Variants in GBE1 observed in about 807,000 individuals in gnomAD.
GBE1 encodes the protein 1,4-alpha-glucan branching enzyme 1.
Under a neutral mutation model 88.8 loss-of-function variants are expected in GBE1, and 70 were observed. That is an observed-to-expected ratio of 0.79 (90% confidence interval 0.65 to 0.96). GBE1 has a LOEUF of 0.96. Ranked by LOEUF, GBE1 falls within the 40% of genes least tolerant of loss-of-function variation. The pLI is 0.00. For synonymous variants in GBE1, 284 were observed against 300.1 expected (o/e 0.95, Z 0.56); for missense variants, 872 against 871.0 (o/e 1.00, Z -0.01).
chr3:81,597,468 T>TAC (rs1703973017), intron 7 of GBE1, among the ~76,000 whole-genome samples: 1 of 138,262 alleles, frequency 7.2e-6, no homozygotes, highest in Admixed American at 7.4e-5. Context: ...CTCAAATATA[T>TAC]ATATATATCT....
At chr3:81,496,918 A>C (rs984251513) in intron 15 of GBE1, among the ~76,000 whole-genome samples, 10 of 152,164 alleles carry the variant, frequency 6.6e-5, no homozygotes, top group Admixed American at 5.9e-4. Flanking sequence ...TGCTGCTGGG[A>C]AGAGAGAGCT....
At chr3:81,596,422 T>G (rs375269887) in intron 7 of GBE1, among the ~76,000 whole-genome samples, 1 of 151,930 alleles carries the variant, frequency 6.6e-6, no homozygotes, top group East Asian at 1.9e-4. Flanking sequence ...TATCTCCAAA[T>G]GCTATCTCTC....
At chr3:81,517,013 A>C (rs963238400) in intron 14 of GBE1, among the ~76,000 whole-genome samples, 1 of 151,614 alleles carries the variant, frequency 6.6e-6, no homozygotes, top group African/African-American at 2.4e-5. Flanking sequence ...AATATAATAT[A>C]AACCTAGGTA....
chr3:81,623,588 C>T (rs1704361797), intron 7 of GBE1, among the ~76,000 whole-genome samples: 1 of 152,112 alleles, frequency 6.6e-6, no homozygotes, highest in African/African-American at 2.4e-5. Flanking sequence ...GTTGGGTATC[C>T]AGTAGGTACT....
chr3:81,583,331 C>G (rs1703759175), intron 10 of GBE1, among the ~76,000 whole-genome samples: 1 of 152,062 alleles, frequency 6.6e-6, no homozygotes, highest in Non-Finnish European at 1.5e-5. Context: ...AAAAATTAAA[C>G]AGGGAATTAC....
chr3:81,679,790 G>T (rs1349978931), intron 2 of GBE1, among the ~76,000 whole-genome samples: 1 of 152,022 alleles, frequency 6.6e-6, no homozygotes, highest in Admixed American at 6.5e-5. Context: ...AATGAAGTTC[G>T]TCAGGAGGCT....
intron 7 of GBE1, among the ~76,000 whole-genome samples, chr3:81,636,167 T>C (rs866933097): frequency 1.3e-5 from 2 of 152,192 alleles, no homozygotes; most frequent in South Asian, 2.1e-4. Flanking sequence ...TGGATTGATA[T>C]AGCAACTTTC....
At chr3:81,731,077 G>T (rs1337864670) in intron 1 of GBE1, among the ~76,000 whole-genome samples, 8 of 152,068 alleles carry the variant, frequency 5.3e-5, no homozygotes, top group Non-Finnish European at 1.0e-4. Context: ...AAGTAGAAAG[G>T]CTGTACCATA....
intron 12 of GBE1, among the ~76,000 whole-genome samples, chr3:81,543,280 G>C (rs1375299014): frequency 2.6e-5 from 4 of 152,146 alleles, no homozygotes; most frequent in Middle Eastern, 3.4e-3. Context: ...ATACAACAAA[G>C]AGAGACAGAA....
chr3:81,703,606 G>A (rs1705732583), intron 2 of GBE1, among the ~76,000 whole-genome samples: 1 of 151,772 alleles, frequency 6.6e-6, no homozygotes, highest in South Asian at 2.1e-4. Flanking sequence ...TCTTAATTTT[G>A]TTTGGAAAAA....
chr3:81,503,551 C>T (rs994382614), intron 14 of GBE1, among the ~76,000 whole-genome samples: 6 of 152,068 alleles, frequency 3.9e-5, no homozygotes, highest in Admixed American at 3.3e-4. Context: ...TAATCTCTGA[C>T]TGTGGGAAAG....
chr3:81,594,524 AT>A lies in GBE1; in HGVS notation c.993-502del, dbSNP rs545812831. Reference sequence around the variant, plus strand: ...CTTTCAATGACTTTTTGTTTAAAATATTTCCTCATGCTACAATTTCAAATAG... The same window carrying A: ...CTTTCAATGACTTTTTGTTTAAAATATTCCTCATGCTACAATTTCAAATAG... On this transcript the variant is annotated intron_variant, in intron 7 of 15. Coordinates refer to ENST00000429644, the MANE Select transcript of GBE1 (RefSeq NM_000158.4). Among the ~76,000 whole-genome samples, 67 of 152,210 alleles carry A rather than the reference AT, an allele frequency of 4.4e-4. No individual in the cohort carries two copies. The South Asian group carries it at 7.7e-3, about 17-fold the overall frequency.
At chr3:81,701,672 T>C (rs888375618) in intron 2 of GBE1, among the ~76,000 whole-genome samples, 4 of 152,088 alleles carry the variant, frequency 2.6e-5, no homozygotes, top group African/African-American at 9.7e-5. Context: ...AGAACCATTG[T>C]TTAGAGAGCT....
intron 1 of GBE1, among the ~76,000 whole-genome samples, chr3:81,720,143 G>C (rs1364093857): frequency 6.6e-6 from 1 of 152,012 alleles, no homozygotes; most frequent in African/African-American, 2.4e-5. Context: ...TACTGAGAGA[G>C]ACAAAGGTTT....
intron 2 of GBE1, among the ~76,000 whole-genome samples, chr3:81,677,351 C>T (rs1428183135): frequency 6.6e-6 from 1 of 152,122 alleles, no homozygotes; most frequent in East Asian, 1.9e-4. Flanking sequence ...GCCCATATGG[C>T]AGATATCAAT....
intron 1 of GBE1, among the ~76,000 whole-genome samples, chr3:81,732,833 A>C (rs1227247868): frequency 6.6e-6 from 1 of 152,130 alleles, no homozygotes; most frequent in East Asian, 1.9e-4. Flanking sequence ...TGTCACTCAC[A>C]GTAAAAGCTA....
At chr3:81,607,487 T>C (rs1157637043) in intron 7 of GBE1, among the ~76,000 whole-genome samples, 1 of 152,088 alleles carries the variant, frequency 6.6e-6, no homozygotes, top group Non-Finnish European at 1.5e-5. Flanking sequence ...AGTCAGAGGT[T>C]ACAGTGAGCC....
chr3:81,737,900 C>A (rs975389971), intron 1 of GBE1, among the ~76,000 whole-genome samples: 1 of 152,086 alleles, frequency 6.6e-6, no homozygotes, highest in Non-Finnish European at 1.5e-5. Context: ...TATTCCTCCC[C>A]CCTTCCCCCA....
At chr3:81,585,941 T>C (rs1703797951) in intron 10 of GBE1, 151 bp downstream of exon 10, 1 of 511,826 alleles carries the variant, frequency 2.0e-6, no homozygotes, top group South Asian at 3.3e-5. Context: ...AAGCACCTTA[T>C]TAAAAAGCAT....
Sources: allele counts gnomAD v4.1 joint callset (sites outside exome capture counted in the v4.1 genomes callset), GRCh38; gene constraint gnomAD v4.1.1; transcripts MANE v1.5; gene names NCBI Gene and HGNC (gene_info 2026-07-23, HGNC 2026-07-21).